Variants in ELP1 observed in about 807,000 individuals in gnomAD.
The protein encoded by ELP1 is elongator complex protein 1.
Under a neutral mutation model 183.2 loss-of-function variants are expected in ELP1, and 131 were observed. The observed-to-expected ratio is 0.72, with a 90% CI of 0.62 to 0.83. The LOEUF (loss-of-function observed/expected upper bound fraction) is 0.83, where lower values mean the gene tolerates loss of function less well. ELP1 is among the 40% of genes least tolerant of loss of function. The pLI, the probability that ELP1 is intolerant of heterozygous loss-of-function variation, is 0.00. For missense variants in ELP1, 1,550 were observed against 1,594.9 expected (o/e 0.97, Z 0.48); for synonymous variants, 555 against 569.0 (o/e 0.98, Z 0.35).
At chr9:108,884,308 T>G (rs1005673912) in intron 29 of ELP1, among the ~76,000 whole-genome samples, 1 of 152,132 alleles carries the variant, frequency 6.6e-6, no homozygotes, top group African/African-American at 2.4e-5. Context: ...AGACAAATAC[T>G]GGGAGACTTC....
intron 35 of ELP1, among the ~76,000 whole-genome samples, chr9:108,875,304 C>T (rs1039475754): frequency 5.3e-5 from 8 of 152,174 alleles, no homozygotes; most frequent in Non-Finnish European, 8.8e-5. Flanking sequence ...GCTACAAATA[C>T]GTAGAGTATC....
chr9:108,870,724 T>G (rs1827418024), intron 36 of ELP1, among the ~76,000 whole-genome samples: 2 of 152,258 alleles, frequency 1.3e-5, no homozygotes, highest in South Asian at 4.1e-4. Context: ...TTAGTTTCAG[T>G]GCCCATAACA....
chr9:108,910,221 A>G (rs1377233421), intron 12 of ELP1, among the ~76,000 whole-genome samples: 1 of 152,188 alleles, frequency 6.6e-6, no homozygotes, highest in Admixed American at 6.5e-5. Flanking sequence ...ACACACTGAA[A>G]CTATAATCAG....
chr9:108,891,376 A>G lies in ELP1; in HGVS notation c.2987T>C (p.Leu996Pro). The G allele has an allele frequency of 6.2e-7, 1 of 1,613,908 alleles. No homozygotes were observed. Residue 996 changes from leucine to proline, a missense_variant, in exon 28 of 37, where the codon CTG becomes CCG. By Grantham distance (98) the Leu-to-Pro change is moderately conservative. Transcript: ENST00000374647. ...TGGCTCATACATGTGCTCCTGCATC[A>G]GGTGCTCCCCATAAGCAATGCTGAT... ...QDISIAYGEH[L>P]MQEHMYEPAG...
chr9:108,875,426 A>G (rs530522555), intron 35 of ELP1, among the ~76,000 whole-genome samples: 1 of 152,372 alleles, frequency 6.6e-6, no homozygotes, highest in East Asian at 1.9e-4. Context: ...CAGGTAAAAC[A>G]CAAGACTCCG....
chr9:108,931,088 T>G lies in ELP1; in HGVS notation c.59A>C (p.Asn20Thr), dbSNP rs201242143. The G allele has an allele frequency of 1.9e-6, 3 of 1,613,980 alleles. No individual in the cohort carries two copies. Among genetic ancestry groups the G allele is most frequent in the Admixed American group, 3.3e-5 (2 of 60,008 alleles). Residue 20 changes from asparagine (N) to threonine (T), a missense_variant, in exon 2 of 37, where the codon AAT becomes ACT. Asn to Thr is a moderately conservative substitution (Grantham distance 65). Coordinates refer to ENST00000374647, the MANE Select transcript of ELP1 (RefSeq NM_003640.5). ...LEFRDIQGPG[N>T]PQCFSLRTEQ... is the part of the protein sequence containing the mutation. ...AGTTCGGAGAGAGAAGCACTGAGGA[T>G]TCCCTGGACCTTGAATATCCCTGAA... is the stretch of plus-strand genomic sequence containing the variant.
chr9:108,905,969 A>C (rs1829004062), intron 14 of ELP1, among the ~76,000 whole-genome samples: 2 of 152,058 alleles, frequency 1.3e-5, no homozygotes, highest in Non-Finnish European at 1.5e-5. Flanking sequence ...TAGCCACTCT[A>C]ATTATGCTTG....
At chr9:108,931,237 G>T in intron 1 of ELP1, 36 bp from the exon 2 acceptor site, 3 of 1,211,956 alleles carry the variant, frequency 2.5e-6, no homozygotes, top group Non-Finnish European at 2.4e-6. Context: ...AGTGATAAAT[G>T]ACCATATTTA....
intron 27 of ELP1, 137 bp downstream of exon 27, chr9:108,892,846 TAAG>T (rs1828396343): frequency 1.4e-6 from 1 of 710,018 alleles, no homozygotes; most frequent in Admixed American, 2.0e-5. Context: ...TTCTCCCAGA[TAAG>T]AAGTTCAAAT....
intron 7 of ELP1, 80 bp from the exon 8 acceptor site, chr9:108,918,981 C>A: frequency 1.9e-6 from 2 of 1,041,286 alleles, no homozygotes; most frequent in South Asian, 2.6e-5. Context: ...TATTCAAACA[C>A]CTTCCTTACA....
rs1348750667 is a variant in ELP1, at chr9:108,911,185, A to T, written c.1190-5T>A. 10 of 1,613,910 alleles carry T rather than the reference A, an allele frequency of 6.2e-6. No individual in the cohort carries two copies. Among genetic ancestry groups the T allele is most frequent in the Non-Finnish European group, 8.5e-6 (10 of 1,179,936 alleles). Reference sequence around the variant, plus strand: ...AGACTGTCACCAACACCCTGTCTGCAGTGAAAAAGAAAGAAGAGGATTAGA... The same window carrying T: ...AGACTGTCACCAACACCCTGTCTGCTGTGAAAAAGAAAGAAGAGGATTAGA... On this transcript the variant is annotated splice_polypyrimidine_tract_variant and splice_region_variant and intron_variant, in intron 11 of 36. Coordinates refer to ENST00000374647, the MANE Select transcript of ELP1 (RefSeq NM_003640.5).
intron 9 of ELP1, among the ~76,000 whole-genome samples, chr9:108,917,164 T>C (rs1438682151): frequency 1.3e-5 from 2 of 152,174 alleles, no homozygotes; most frequent in Admixed American, 6.5e-5. Flanking sequence ...TATATCCATA[T>C]CAAATATAAA....
rs1047539683 is a variant in ELP1, at chr9:108,903,663, A to G, written c.1650T>C (p.Ser550=). 1.2e-6 allele frequency: 2 copies of G among 1,612,674 alleles called. No homozygotes were observed. The highest frequency in any genetic ancestry group is 2.7e-5 in the African/African-American group (2 of 74,898). ...EEHGQLNVSS[S]AAVDGVIISL... ...TGATTATGACCCCATCCACCGCTGC[A>G]GATGAACTGACAAAAAAAAGGAGAA... is the stretch of plus-strand genomic sequence containing the variant. Residue 550 remains serine (S), a synonymous_variant, in exon 15 of 37, where the codon TCT becomes TCC. Coordinates refer to ENST00000374647, the MANE Select transcript of ELP1 (RefSeq NM_003640.5).
chr9:108,869,960 A>C (rs922140222), intron 36 of ELP1, among the ~76,000 whole-genome samples: 3 of 152,206 alleles, frequency 2.0e-5, no homozygotes, highest in African/African-American at 7.2e-5. Context: ...TGCACAGTCA[A>C]AAATCTGCAT....
chr9:108,914,939 C>T (rs936525443), intron 10 of ELP1, among the ~76,000 whole-genome samples: 2 of 152,106 alleles, frequency 1.3e-5, no homozygotes, highest in African/African-American at 4.8e-5. Flanking sequence ...ATACCTACTA[C>T]ACTTTTAACA....
Position 108,911,148 on chromosome 9 carries a change from C to T in ELP1, c.1222G>A (p.Val408Met). 6.2e-7 allele frequency: 1 copy of T among 1,614,130 alleles called. No individual in the cohort carries two copies. Among genetic ancestry groups the T allele is most frequent in the Non-Finnish European group, 8.5e-7 (1 of 1,180,026 alleles). Residue 408 changes from valine to methionine, a missense_variant, in exon 12 of 37, where the codon GTG (valine) becomes ATG (methionine). Transcript: ENST00000374647. ...TAGGTGCACATGGGAGGCGGAACCACAGTCTGCCGGAAGACTGTCACCAAC... is the reference window on the plus strand; with the variant it reads ...TAGGTGCACATGGGAGGCGGAACCATAGTCTGCCGGAAGACTGTCACCAAC... ...RVLVTVFRQT[V>M]VPPPMCTYQL... is the part of the protein sequence containing the mutation.
rs1829489780 is a variant in ELP1, at chr9:108,917,598, A to G, written c.813T>C (p.Asn271=). Residue 271 remains asparagine, a synonymous_variant, in exon 9 of 37, where the codon AAT becomes AAC. Coordinates refer to ENST00000374647, the MANE Select transcript of ELP1 (RefSeq NM_003640.5). ...GTGTAAAGTGTCCATGAAGGAGTCC[A>G]TTTTTCTCAAAAAACACAATATCCT... ...NQQDIVFFEK[N]GLLHGHFTLP... 5 of 1,613,874 alleles carry G rather than the reference A, an allele frequency of 3.1e-6. No homozygotes were observed. In the Admixed American group the frequency reaches 5.0e-5, roughly 16 times the overall value.
At chr9:108,897,343 T>C (rs912395541) in intron 22 of ELP1, 58 bp from the exon 23 acceptor site, 4 of 1,569,904 alleles carry the variant, frequency 2.5e-6, no homozygotes, top group Non-Finnish European at 3.5e-6. Flanking sequence ...AGCGATCAAA[T>C]TACTAACATA....
At chr9:108,900,105 T>G (rs914955135) in intron 19 of ELP1, among the ~76,000 whole-genome samples, 155 bp downstream of exon 19, 1 of 152,160 alleles carries the variant, frequency 6.6e-6, no homozygotes, top group African/African-American at 2.4e-5. Context: ...GTATCAACAC[T>G]CCTTTGAATA....
Sources: allele counts gnomAD v4.1 joint callset (sites outside exome capture counted in the v4.1 genomes callset), GRCh38; gene constraint gnomAD v4.1.1; transcripts MANE v1.5; gene names NCBI Gene and HGNC (gene_info 2026-07-23, HGNC 2026-07-21).